BLTP1: variants seen among roughly 807,000 people sequenced by gnomAD.
BLTP1 encodes the protein fragile site-associated protein.
At chr4:122,187,422 T>C in the BLTP1 span, 2 of 1,610,620 alleles carry the variant, frequency 1.2e-6, no homozygotes, top group African/African-American at 1.3e-5. Context: ...TTTTATTTTT[T>C]CTTGTTAGAG....
At chr4:122,167,337 C>A in the BLTP1 span, among the ~76,000 whole-genome samples, 4 of 152,128 alleles carry the variant, frequency 2.6e-5, no homozygotes, top group African/African-American at 9.7e-5. Flanking sequence ...GTTTATTCAT[C>A]TCCCAGGTGT....
At chr4:122,201,209 A>G in the BLTP1 span, 2 of 1,073,806 alleles carry the variant, frequency 1.9e-6, no homozygotes, top group South Asian at 3.3e-5. Context: ...TTTAAATTAC[A>G]TAGGGATATG....
At chr4:122,324,511 C>T in the BLTP1 span, 1 of 1,610,206 alleles carries the variant, frequency 6.2e-7, no homozygotes, top group African/African-American at 1.3e-5. Context: ...TGGAAGACCA[C>T]CTCTTAAGCG....
chr4:122,226,858 A>T, the BLTP1 span: 68 of 1,547,894 alleles, frequency 4.4e-5, no homozygotes, highest in Middle Eastern at 5.1e-4. Flanking sequence ...ATATGTTAGC[A>T]ATATTATAAA....
chr4:122,275,795 A>G, the BLTP1 span: 1 of 290,972 alleles, frequency 3.4e-6, no homozygotes, highest in African/African-American at 2.3e-5. Context: ...TTTCAATTGC[A>G]ATGAAGAGGA....
chr4:122,281,494 G>T, the BLTP1 span: 1 of 1,510,862 alleles, frequency 6.6e-7, no homozygotes, highest in Non-Finnish European at 8.8e-7. Flanking sequence ...AAAATGGTAC[G>T]TCCTGTGTTT....
chr4:122,352,982 T>C, the BLTP1 span: 4 of 1,614,076 alleles, frequency 2.5e-6, 1 homozygote, highest in Admixed American at 6.7e-5. Context: ...TTATTTCAGA[T>C]TCCATTACCA....
the BLTP1 span, chr4:122,336,157 TA>T: frequency 9.2e-6 from 14 of 1,524,006 alleles, no homozygotes; most frequent in Middle Eastern, 1.6e-3. Flanking sequence ...GAACTTTTTA[TA>T]AAATCCATTA....
the BLTP1 span, among the ~76,000 whole-genome samples, chr4:122,265,511 G>A: frequency 1.3e-5 from 2 of 152,108 alleles, no homozygotes; most frequent in Admixed American, 1.3e-4. Flanking sequence ...AAAAATAAAG[G>A]AAAGAACGGT....
the BLTP1 span, chr4:122,251,212 A>C: frequency 1.3e-6 from 1 of 766,158 alleles, no homozygotes; most frequent in Non-Finnish European, 1.6e-6. Flanking sequence ...GTGAAGACTG[A>C]AGCAGGTAAT....
the BLTP1 span, chr4:122,304,941 G>C: frequency 3.1e-6 from 5 of 1,613,758 alleles, no homozygotes; most frequent in Non-Finnish European, 4.2e-6. Flanking sequence ...GCAAATGCCA[G>C]GTGGATTTAA....
chr4:122,254,780 A>C, the BLTP1 span: 1 of 1,479,188 alleles, frequency 6.8e-7, no homozygotes, highest in Non-Finnish European at 9.0e-7. Context: ...ACTTGTTTTT[A>C]TAATTTTTTA....
chr4:122,216,465 A>C, the BLTP1 span, among the ~76,000 whole-genome samples: 23 of 152,170 alleles, frequency 1.5e-4, no homozygotes, highest in East Asian at 4.3e-3. Context: ...TTCTTGCAGG[A>C]GTAAGGTGGT....
the BLTP1 span, chr4:122,331,927 A>C: frequency 3.2e-6 from 1 of 315,670 alleles, no homozygotes; most frequent in Admixed American, 6.5e-5. Flanking sequence ...AGAAATAAGA[A>C]AGACTGGGAG....
At chr4:122,330,176 C>T in the BLTP1 span, among the ~76,000 whole-genome samples, 1 of 151,744 alleles carries the variant, frequency 6.6e-6, no homozygotes. Context: ...GTGAAAAATG[C>T]TGCAGTGAAC....
chr4:122,352,254 C>T, the BLTP1 span, among the ~76,000 whole-genome samples: 1 of 151,536 alleles, frequency 6.6e-6, no homozygotes, highest in Non-Finnish European at 1.5e-5. Flanking sequence ...GATGAAATAT[C>T]TAGTTTACAA....
chr4:122,276,813 G>A, the BLTP1 span: 8 of 975,428 alleles, frequency 8.2e-6, no homozygotes, highest in Admixed American at 6.2e-5. Context: ...AATTGGTTTT[G>A]AATTTTATGT....
the BLTP1 span, chr4:122,170,772 A>T: frequency 6.5e-7 from 1 of 1,530,066 alleles, no homozygotes; most frequent in East Asian, 2.4e-5. Flanking sequence ...CTTCTATTTT[A>T]TTGTGTTTTA....
chr4:122,312,482 G>A, the BLTP1 span, among the ~76,000 whole-genome samples: 2 of 152,016 alleles, frequency 1.3e-5, no homozygotes, highest in Admixed American at 6.6e-5. Flanking sequence ...TTTCATTCTA[G>A]CATTCTTGGA....
Sources: gnomAD v4.1 joint callset for allele counts (sites outside exome capture counted in the v4.1 genomes callset) on GRCh38, gnomAD v4.1.1 for gene constraint, MANE v1.5 for transcripts, NCBI Gene and HGNC (gene_info 2026-07-23, HGNC 2026-07-21) for gene names.